The following ACOXL variants were observed in gnomAD, a reference collection of about 807,000 sequenced individuals.
The protein encoded by ACOXL is acyl-CoA oxidase like, also known as acyl-coenzyme A oxidase-like protein.
Under a neutral mutation model 71.9 loss-of-function variants are expected in ACOXL, and 70 were observed. The observed-to-expected ratio is 0.97, with a 90% CI of 0.80 to 1.19. The LOEUF is 1.19. Ranked by LOEUF, ACOXL falls within the 50% of genes most tolerant of loss-of-function variation. The pLI is 0.00. For synonymous variants in ACOXL, 253 were observed against 281.6 expected (o/e 0.90, Z 1.02); for missense variants, 703 against 736.3 (o/e 0.95, Z 0.52).
chr2:110,744,611 A>G (rs1677963806), intron 1 of ACOXL, among the ~76,000 whole-genome samples: 1 of 151,802 alleles, frequency 6.6e-6, no homozygotes, highest in African/African-American at 2.4e-5. Flanking sequence ...GTCACTTCAC[A>G]CTCCTCCCAC....
At chr2:110,738,662 A>G (rs772947083) in intron 1 of ACOXL, among the ~76,000 whole-genome samples, 5 of 152,150 alleles carry the variant, frequency 3.3e-5, no homozygotes, top group Non-Finnish European at 5.9e-5. Context: ...ATAGAATTTC[A>G]TGATGGGGTG....
intron 17 of ACOXL, among the ~76,000 whole-genome samples, chr2:111,106,572 C>G (rs1483558188): frequency 6.6e-6 from 1 of 152,174 alleles, no homozygotes; most frequent in Non-Finnish European, 1.5e-5. Flanking sequence ...TTGACATCTT[C>G]CTGGTTCTTG....
intron 9 of ACOXL, among the ~76,000 whole-genome samples, chr2:110,824,954 G>A (rs964326020): frequency 6.6e-6 from 1 of 152,216 alleles, no homozygotes; most frequent in African/African-American, 2.4e-5. Context: ...CTCTTCTGAA[G>A]AAAGTTGATG....
chr2:110,868,782 G>A lies in ACOXL; in HGVS notation c.788+27377G>A, dbSNP rs572403536. Reference sequence around the variant, plus strand: ...TGTTTTGTATTTTTAGTAGAGATGGGGTTTCACCATGTTGCCCAGGCTGGT... The same window carrying A: ...TGTTTTGTATTTTTAGTAGAGATGGAGTTTCACCATGTTGCCCAGGCTGGT... On this transcript the variant is annotated intron_variant, in intron 10 of 17. Coordinates refer to ENST00000439055, the MANE Select transcript of ACOXL (RefSeq NM_001142807.4). 2.2e-3 allele frequency among the ~76,000 whole-genome samples: 328 copies of A among 152,194 alleles called. 1 individual carries two copies. The highest frequency in any genetic ancestry group is 7.5e-3 in the African/African-American group (310 of 41,514).
chr2:110,840,174 A>T (rs1018875180), intron 9 of ACOXL, among the ~76,000 whole-genome samples: 1 of 152,118 alleles, frequency 6.6e-6, no homozygotes, highest in African/African-American at 2.4e-5. Context: ...GTATTTTAGT[A>T]GAAATGGGGT....
chr2:110,771,642 A>G, intron 2 of ACOXL, among the ~76,000 whole-genome samples: 1 of 152,216 alleles, frequency 6.6e-6, no homozygotes, highest in East Asian at 1.9e-4. Flanking sequence ...TAAAGCGAAA[A>G]AACAATATGA....
chr2:110,751,596 A>G (rs915510390), intron 1 of ACOXL, among the ~76,000 whole-genome samples: 3 of 152,204 alleles, frequency 2.0e-5, no homozygotes, highest in African/African-American at 7.2e-5. Context: ...ACTTCATACA[A>G]TGAAATGCAA....
At chr2:111,039,332 AT>A (rs1358604206) in intron 15 of ACOXL, among the ~76,000 whole-genome samples, 1 of 151,992 alleles carries the variant, frequency 6.6e-6, no homozygotes, top group Non-Finnish European at 1.5e-5. Context: ...GACTTATGAG[AT>A]TTTATTTGCA....
At position 110,798,735 on chromosome 2, in the gene ACOXL, A is replaced by C; in HGVS notation, c.460+11A>C. 1.2e-6 allele frequency: 2 copies of C among 1,605,504 alleles called. No homozygotes were observed. Among genetic ancestry groups the C allele is most frequent in the Non-Finnish European group, 1.7e-6 (2 of 1,172,136 alleles). ...ATGGAAGATCTCAAGGTTTGTTACC[A>C]ATACAGACAACTAGAATAATTCTCT... On this transcript the variant is annotated intron_variant, in intron 6 of 17. Coordinates refer to ENST00000439055, the MANE Select transcript of ACOXL (RefSeq NM_001142807.4).
At chr2:110,736,931 C>A (rs1276716211) in intron 1 of ACOXL, among the ~76,000 whole-genome samples, 2 of 152,110 alleles carry the variant, frequency 1.3e-5, no homozygotes, top group African/African-American at 4.8e-5. Flanking sequence ...ACATTTTGAT[C>A]ATTCTTGTAT....
At chr2:110,933,735 T>A (rs2060564470) in intron 12 of ACOXL, 93 bp downstream of exon 12, 3 of 1,432,104 alleles carry the variant, frequency 2.1e-6, no homozygotes, top group African/African-American at 1.4e-5. Context: ...TGCTTCAGAG[T>A]CTAATAGAAA....
chr2:110,984,197 A>G (rs1367243647), intron 12 of ACOXL, among the ~76,000 whole-genome samples: 1 of 152,098 alleles, frequency 6.6e-6, no homozygotes, highest in Non-Finnish European at 1.5e-5. Context: ...GAATCATTCT[A>G]TGCGCTTTTA....
chr2:110,912,827 T>C (rs1303172510), intron 11 of ACOXL, among the ~76,000 whole-genome samples: 2 of 152,024 alleles, frequency 1.3e-5, no homozygotes, highest in African/African-American at 2.4e-5. Flanking sequence ...ATCCACAGAA[T>C]AGGAGAAAGT....
At chr2:111,068,202 A>G (rs2083949022) in intron 16 of ACOXL, among the ~76,000 whole-genome samples, 1 of 152,184 alleles carries the variant, frequency 6.6e-6, no homozygotes, top group South Asian at 2.1e-4. Context: ...AGCAGGAGAA[A>G]AAAGGTGTTG....
intron 12 of ACOXL, among the ~76,000 whole-genome samples, chr2:110,972,230 A>G (rs1454560670): frequency 2.0e-5 from 3 of 152,216 alleles, no homozygotes; most frequent in Non-Finnish European, 4.4e-5. Context: ...CAGCACAGAA[A>G]GCAGGGCACC....
chr2:110,862,492 GAAAC>G (rs1166171797), intron 10 of ACOXL, among the ~76,000 whole-genome samples: 3 of 152,124 alleles, frequency 2.0e-5, no homozygotes, highest in East Asian at 3.8e-4. Flanking sequence ...AAATTAAAAA[GAAAC>G]AGAGAGAGAG....
At chr2:110,961,723 GTTTA>G (rs1159943231) in intron 12 of ACOXL, among the ~76,000 whole-genome samples, 1 of 152,194 alleles carries the variant, frequency 6.6e-6, no homozygotes, top group East Asian at 1.9e-4. Context: ...AAGGAAAGAG[GTTTA>G]ATGGACTCAC....
chr2:111,101,579 G>A (rs1014236248), intron 17 of ACOXL, among the ~76,000 whole-genome samples: 1 of 151,960 alleles, frequency 6.6e-6, no homozygotes, highest in Non-Finnish European at 1.5e-5. Flanking sequence ...TCATTGGAGT[G>A]GGGAAGAGAG....
chr2:111,046,976 A>G (rs540096779), intron 15 of ACOXL, among the ~76,000 whole-genome samples: 17 of 152,332 alleles, frequency 1.1e-4, no homozygotes, highest in African/African-American at 3.4e-4. Context: ...AGGCTGGGAA[A>G]GAGCGAGAAG....
Sources: gnomAD v4.1 joint callset for allele counts (sites outside exome capture counted in the v4.1 genomes callset) on GRCh38, gnomAD v4.1.1 for gene constraint, MANE v1.5 for transcripts, NCBI Gene and HGNC (gene_info 2026-07-23, HGNC 2026-07-21) for gene names.